Variants in TLE4 observed in about 807,000 individuals in gnomAD.
TLE4 encodes the protein TLE family member 4, transcriptional corepressor, also known as transducin-like enhancer protein 4.
A neutral mutation model predicts 92.8 loss-of-function variants in TLE4; 8 were observed. That is an observed-to-expected ratio of 0.09 (90% CI 0.05 to 0.16). The LOEUF is 0.16. Ranked by LOEUF, TLE4 falls within the 10% of genes least tolerant of loss-of-function variation. The pLI is 1.00. For missense variants in TLE4, 675 were observed against 997.6 expected (o/e 0.68, Z 4.36); for synonymous variants, 371 against 374.1 (o/e 0.99, Z 0.10).
intron 8 of TLE4, among the ~76,000 whole-genome samples, chr9:79,678,963 A>G (rs895008785): frequency 6.6e-6 from 1 of 152,114 alleles, no homozygotes; most frequent in African/African-American, 2.4e-5. Flanking sequence ...ATCATTTTTT[A>G]TGGCTGCATA....
intron 5 of TLE4, among the ~76,000 whole-genome samples, chr9:79,621,789 G>A (rs1393315696): frequency 6.6e-6 from 1 of 152,154 alleles, no homozygotes; most frequent in Non-Finnish European, 1.5e-5. Flanking sequence ...TCTGGCATCT[G>A]GGTCTCATGG....
intron 8 of TLE4, among the ~76,000 whole-genome samples, chr9:79,665,660 T>G: frequency 6.6e-6 from 1 of 152,196 alleles, no homozygotes; most frequent in East Asian, 1.9e-4. Context: ...GATATGGGCC[T>G]TTTACTCGAA....
intron 4 of TLE4, among the ~76,000 whole-genome samples, chr9:79,606,555 T>C (rs1463056603): frequency 6.6e-6 from 1 of 151,904 alleles, no homozygotes. Context: ...GGCCCTGATG[T>C]GTAATGTTCC....
intron 3 of TLE4, 196 bp from the exon 4 acceptor site, chr9:79,575,937 G>A (rs1429811213): frequency 2.5e-6 from 1 of 393,730 alleles, no homozygotes; most frequent in African/African-American, 2.0e-5. Context: ...AGTTTTGTGT[G>A]TTTTCTCTTA....
intron 8 of TLE4, among the ~76,000 whole-genome samples, chr9:79,700,869 C>T (rs2069632767): frequency 6.6e-6 from 1 of 152,130 alleles, no homozygotes; most frequent in Non-Finnish European, 1.5e-5. Flanking sequence ...CACACACGCA[C>T]ACTCAAACTG....
intron 6 of TLE4, 125 bp downstream of exon 6, chr9:79,627,573 C>T: frequency 1.1e-6 from 1 of 924,968 alleles, no homozygotes; most frequent in Admixed American, 2.5e-5. Context: ...TGAAATTAAG[C>T]ACTTTGCCTT....
At chr9:79,593,562 A>G (rs2043210584) in intron 4 of TLE4, among the ~76,000 whole-genome samples, 1 of 152,198 alleles carries the variant, frequency 6.6e-6, no homozygotes. Context: ...CCTTTAAAAG[A>G]TGGGTTTGAA....
intron 4 of TLE4, among the ~76,000 whole-genome samples, chr9:79,598,093 A>AC (rs1424212383): frequency 6.7e-5 from 10 of 150,168 alleles, no homozygotes; most frequent in African/African-American, 2.5e-4. Flanking sequence ...AAAAAAAAAA[A>AC]AAAAACTTAC....
At chr9:79,631,000 A>G (rs2054033790) in intron 6 of TLE4, among the ~76,000 whole-genome samples, 1 of 152,210 alleles carries the variant, frequency 6.6e-6, no homozygotes, top group Non-Finnish European at 1.5e-5. Flanking sequence ...ATAGAAATGT[A>G]TGCGTTTGGA....
At chr9:79,644,605 C>T (rs2057783469) in intron 6 of TLE4, among the ~76,000 whole-genome samples, 1 of 152,224 alleles carries the variant, frequency 6.6e-6, no homozygotes, top group South Asian at 2.1e-4. Context: ...CCAGACTGTG[C>T]TTTCTCACAC....
chr9:79,654,428 AC>A (rs1214513851), intron 8 of TLE4, among the ~76,000 whole-genome samples: 1 of 152,100 alleles, frequency 6.6e-6, no homozygotes, highest in Non-Finnish European at 1.5e-5. Context: ...GTAAAGAGAT[AC>A]ATATTAGTTT....
intron 8 of TLE4, among the ~76,000 whole-genome samples, chr9:79,704,362 C>T (rs1342641161): frequency 6.6e-6 from 1 of 152,186 alleles, no homozygotes; most frequent in Non-Finnish European, 1.5e-5. Flanking sequence ...ATCTGCCCGC[C>T]TTGGCTTCCC....
At chr9:79,615,642 TA>T (rs11294346) in intron 5 of TLE4, among the ~76,000 whole-genome samples, 16,470 of 152,126 alleles carry the variant, frequency 0.11, 1,132 homozygotes, top group African/African-American at 0.19. Flanking sequence ...TTTTTAAACT[TA>T]AAAAAACTAT....
chr9:79,576,397 G>A (rs1225707660), intron 4 of TLE4: 1 of 335,318 alleles, frequency 3.0e-6, no homozygotes, highest in African/African-American at 2.1e-5. Context: ...TAAAAAGTCT[G>A]AATACATATT....
At chr9:79,646,282 G>T (rs887627215) in intron 6 of TLE4, among the ~76,000 whole-genome samples, 1 of 152,110 alleles carries the variant, frequency 6.6e-6, no homozygotes, top group Non-Finnish European at 1.5e-5. Context: ...CCCAGATGGG[G>T]CAGAGGGCAG....
At chr9:79,653,924 T>C (rs1181038495) in intron 7 of TLE4, 135 bp from the exon 8 acceptor site, 2 of 1,016,922 alleles carry the variant, frequency 2.0e-6, no homozygotes, top group East Asian at 4.8e-5. Context: ...ACAGCACAGT[T>C]GACATCTGTG....
rs529369965 is a variant in TLE4, at chr9:79,649,505, T to C, written c.391-3088T>C. 8.8e-5 allele frequency: 16 copies of C among 181,204 alleles called. No individual in the cohort carries two copies. In the South Asian group the frequency reaches 1.6e-3, roughly 18 times the overall value. The allele number at this position is 181,204 out of a possible 1,614,324, so 11.2% of individuals were successfully genotyped here. On this transcript the variant is annotated intron_variant, in intron 6 of 19. Coordinates refer to ENST00000376552, the MANE Select transcript of TLE4 (RefSeq NM_007005.6). ...GATGGGCAGTTCATCTTAAACAAAA[T>C]GTTGGACAAAATCAGTGATGAAACA...
At chr9:79,724,917 C>T (rs903787638) in intron 19 of TLE4, 120 bp from the exon 20 acceptor site, 2 of 487,988 alleles carry the variant, frequency 4.1e-6, no homozygotes, top group East Asian at 6.2e-5. Flanking sequence ...TTCACCTTTC[C>T]TTGACTGGGC....
chr9:79,664,000 C>T (rs1040277137), intron 8 of TLE4, among the ~76,000 whole-genome samples: 3 of 152,126 alleles, frequency 2.0e-5, no homozygotes, highest in Non-Finnish European at 4.4e-5. Flanking sequence ...CAACGGGCCA[C>T]GGGGCACAGT....
Sources: gnomAD v4.1 joint callset for allele counts (sites outside exome capture counted in the v4.1 genomes callset) on GRCh38, gnomAD v4.1.1 for gene constraint, MANE v1.5 for transcripts, NCBI Gene and HGNC (gene_info 2026-07-23, HGNC 2026-07-21) for gene names.